INSR: variants seen among roughly 807,000 people sequenced by gnomAD.
The protein encoded by INSR is IR.
A neutral mutation model predicts 142.6 loss-of-function variants in INSR; 67 were observed. The observed-to-expected ratio is 0.47, with a 90% CI of 0.39 to 0.58. INSR has a LOEUF of 0.58. Among genes scored for constraint, INSR ranks in the 20% least tolerant of loss-of-function variants. INSR has a pLI of 0.00. For missense variants in INSR, 1,248 were observed against 1,833.2 expected, an observed-to-expected ratio of 0.68 and a Z score of 5.83; for synonymous variants, 756 against 743.1, an observed-to-expected ratio of 1.02 and a Z score of -0.28.
At chr19:7,174,488 C>T (rs1974089656) in intron 4 of INSR, 95 bp downstream of exon 4, 26 of 1,391,082 alleles carry the variant, frequency 1.9e-5, no homozygotes, top group Middle Eastern at 1.8e-4. Context: ...TGTAGGAGCA[C>T]GCAGCAGGGT....
intron 2 of INSR, among the ~76,000 whole-genome samples, chr19:7,228,609 A>T (rs1232307515): frequency 1.3e-5 from 2 of 152,238 alleles, no homozygotes; most frequent in African/African-American, 4.8e-5. Flanking sequence ...AAAAGGCAAG[A>T]AGTCATCATT....
Position 7,150,389 on chromosome 19 carries a change from G to A in INSR, c.2267+108C>T. The stretch of plus-strand genomic sequence containing the variant: ...CATCTGCTCTCCAGCACAGCTGCCC[G>A]CCGCATGCAAAAAGCCACAGAAACC... On this transcript the variant is annotated intron_variant, in intron 11 of 21. Transcript: ENST00000302850. The surrounding 1 kb of genome is among the most constrained non-coding windows in gnomAD (Gnocchi z 4.2). The A allele has an allele frequency of 1.1e-6, 1 of 935,910 alleles. No individual in the cohort carries two copies. The highest frequency in any genetic ancestry group is 1.7e-6 in the Non-Finnish European group (1 of 583,604). 58.0% of individuals were successfully genotyped at this position (935,910 alleles called of 1,614,324 possible). A position where few individuals can be genotyped will look rare whatever the true frequency, so the allele number is the denominator to read the frequency against.
chr19:7,281,628 C>A (rs1968206113), intron 1 of INSR, among the ~76,000 whole-genome samples: 1 of 151,950 alleles, frequency 6.6e-6, no homozygotes, highest in African/African-American at 2.4e-5. Flanking sequence ...CTGCAATGAG[C>A]CATAATCACA....
In INSR at chr19:7,166,325, G is replaced by T; in HGVS notation, c.1690C>A (p.Pro564Thr). The change falls in exon 8 of 22, where the codon CCC becomes ACC. Residue 564 changes from proline (P) to threonine (T), a missense_variant. Around this residue, in one of 3 missense-constraint regions of INSR, gnomAD observed 1,069 missense variants for 1,654.0 expected, o/e 0.65. Coordinates refer to ENST00000302850, the MANE Select transcript of INSR (RefSeq NM_000208.4). The surrounding 1 kb of genome is among the most constrained non-coding windows in gnomAD (Gnocchi z 4.1). ...GATTTGGGGTCGTTGGACCTCAGGG[G>T]TGGGTCAATGTCTACCACCGTCCAA... ...NSWTVVDIDP[P>T]LRSNDPKSQN... is the part of the protein sequence containing the mutation. 3.1e-6 allele frequency: 5 copies of T among 1,614,124 alleles called. No homozygotes were observed. Among genetic ancestry groups the T allele is most frequent in the Non-Finnish European group, 4.2e-6 (5 of 1,180,038 alleles).
At chr19:7,134,645 A>G (rs1258801793) in intron 13 of INSR, among the ~76,000 whole-genome samples, 8 of 151,538 alleles carry the variant, frequency 5.3e-5, no homozygotes, top group Admixed American at 2.6e-4. Context: ...TGCGCCTGTA[A>G]TCCCAGCTAC....
intron 10 of INSR, chr19:7,152,392 AAAGAG>A: frequency 3.3e-6 from 1 of 302,882 alleles, no homozygotes; most frequent in South Asian, 2.6e-5. Context: ...AAAAAAAAAA[AAAGAG>A]AGAGAGAGAA....
intron 17 of INSR, among the ~76,000 whole-genome samples, chr19:7,124,541 G>GAAAA (rs531613079): frequency 1.0e-4 from 1 of 9,924 alleles, no homozygotes; most frequent in Non-Finnish European, 1.6e-4. Flanking sequence ...TCCGTTTCAG[G>GAAAA]AAAAAAAAAA....
chr19:7,193,887 A>C lies in INSR; in HGVS notation c.653-9250T>G, dbSNP rs117234950. The stretch of plus-strand genomic sequence containing the variant: ...GTATATGTATATATACATTTGGTAG[A>C]GATGAGGTCTCACAATATTGCCCAG... On this transcript the variant is annotated intron_variant, in intron 2 of 21. Coordinates refer to ENST00000302850, the MANE Select transcript of INSR (RefSeq NM_000208.4). Among the ~76,000 whole-genome samples, 946 of 152,136 alleles carry C rather than the reference A, an allele frequency of 6.2e-3. 4 individuals are homozygous for C. Among genetic ancestry groups the C allele is most frequent in the South Asian group, 0.013 (65 of 4,816 alleles).
chr19:7,155,535 T>A (rs1466800692), intron 9 of INSR, among the ~76,000 whole-genome samples: 1 of 69,500 alleles, frequency 1.4e-5, no homozygotes. Context: ...AAGCATTCCA[T>A]CTCTCAAAAA....
intron 13 of INSR, among the ~76,000 whole-genome samples, chr19:7,136,567 G>A (rs1476875765): frequency 6.6e-6 from 1 of 151,832 alleles, no homozygotes; most frequent in Non-Finnish European, 1.5e-5. Context: ...GGACCCAAGG[G>A]TCACTATTAG....
At chr19:7,167,689 C>T (rs1973918888) in intron 7 of INSR, among the ~76,000 whole-genome samples, 1 of 152,106 alleles carries the variant, frequency 6.6e-6, no homozygotes, top group Admixed American at 6.6e-5. Context: ...GAGACATACA[C>T]AGGCAAGGCA....
At chr19:7,255,823 C>T (rs1003305018) in intron 2 of INSR, among the ~76,000 whole-genome samples, 3 of 151,998 alleles carry the variant, frequency 2.0e-5, no homozygotes, top group Non-Finnish European at 4.4e-5. Context: ...AAGTGATCCT[C>T]CTGCCTCGGC....
intron 9 of INSR, among the ~76,000 whole-genome samples, chr19:7,160,539 C>T (rs982809518): frequency 1.3e-5 from 2 of 152,026 alleles, no homozygotes; most frequent in African/African-American, 4.8e-5. Flanking sequence ...GCGGGAAGAT[C>T]GTTTGAGCCC....
Position 7,120,779 on chromosome 19 carries a change from A to G in INSR, c.3530-30T>C, listed in dbSNP as rs750339226. 5 of 1,611,624 alleles carry G rather than the reference A, an allele frequency of 3.1e-6. No individual in the cohort carries two copies. The East Asian group carries it at 1.1e-4, about 36-fold the overall frequency. On this transcript the variant is annotated intron_variant, in intron 19 of 21. Coordinates refer to ENST00000302850, the MANE Select transcript of INSR (RefSeq NM_000208.4). ...CAACACAAAAGGTTCACACGCTCTT[A>G]ACCTTCAGCCTTGGTCCTAGCATCT...
chr19:7,240,023 C>G (rs566735223), intron 2 of INSR, among the ~76,000 whole-genome samples: 33 of 152,112 alleles, frequency 2.2e-4, no homozygotes, highest in Non-Finnish European at 2.9e-5. Flanking sequence ...CAAGCTCTCG[C>G]GGAGTATTTT....
chr19:7,122,995 G>C lies in INSR; in HGVS notation c.3259-6C>G. 1 of 1,589,444 alleles carries C rather than the reference G, an allele frequency of 6.3e-7. No homozygotes were observed. On this transcript the variant is annotated splice_polypyrimidine_tract_variant and splice_region_variant and intron_variant, in intron 17 of 21. Transcript: ENST00000302850. ...ACCACTCCCAGGAGGCGCACCTGCA[G>C]AGCAAGCAACCAGGGTTCTTGGAGG...
intron 16 of INSR, 143 bp downstream of exon 16, chr19:7,126,441 G>T: frequency 1.3e-6 from 1 of 752,054 alleles, no homozygotes; most frequent in Non-Finnish European, 2.3e-6. Flanking sequence ...TCTGCAGCAA[G>T]GGCAGTTTGG....
intron 2 of INSR, among the ~76,000 whole-genome samples, chr19:7,235,386 A>G (rs1248463216): frequency 1.3e-5 from 2 of 151,972 alleles, no homozygotes; most frequent in African/African-American, 4.8e-5. Flanking sequence ...ATCGCTCTCA[A>G]CTCTCTCACA....
At chr19:7,132,043 G>C in intron 14 of INSR, 115 bp downstream of exon 14, 1 of 1,288,072 alleles carries the variant, frequency 7.8e-7, no homozygotes, top group Non-Finnish European at 1.1e-6. Flanking sequence ...TGATAGGCCT[G>C]AGAGTCAAGG....
Sources: gnomAD v4.1 joint callset for allele counts (sites outside exome capture counted in the v4.1 genomes callset) on GRCh38, gnomAD v4.1.1 for gene constraint, gnomAD v4.1.1 regional missense constraint, Gnocchi (gnomAD v3.1) non-coding constraint, MANE v1.5 for transcripts, NCBI Gene and HGNC (gene_info 2026-07-23, HGNC 2026-07-21) for gene names.